Variants in NXF1 observed in about 807,000 individuals in gnomAD.
NXF1 encodes nuclear RNA export factor 1, also known as mRNA export factor TAP.
A neutral mutation model predicts 92.4 loss-of-function variants in NXF1; 43 were observed. The ratio of observed to expected loss-of-function variants is 0.47; its 90% CI spans 0.36 to 0.60. The LOEUF (loss-of-function observed/expected upper bound fraction) is 0.60, where lower values mean the gene tolerates loss of function less well. Ranked by LOEUF, NXF1 falls within the 20% of genes least tolerant of loss-of-function variation. The pLI, the probability that NXF1 is intolerant of heterozygous loss-of-function variation, is 0.00. For missense variants in NXF1, 576 were observed against 793.0 expected (o/e 0.73, Z 3.29); for synonymous variants, 288 against 292.2 (o/e 0.99, Z 0.15).
chr11:62,801,643 A>G lies in NXF1; in HGVS notation c.640-12T>C. On this transcript the variant is annotated splice_polypyrimidine_tract_variant and intron_variant, in intron 6 of 20. Transcript: ENST00000294172. ...TTGCTCATGATCAGCTAGAGGAAAA[A>G]GAAGGGTTTAGTGGTCACTGGGTTT... 6.2e-7 allele frequency: 1 copy of G among 1,613,964 alleles called. No homozygotes were observed. The highest frequency in any genetic ancestry group is 8.5e-7 in the Non-Finnish European group (1 of 1,179,908).
intron 1 of NXF1, chr11:62,804,313 T>G: frequency 2.4e-6 from 2 of 846,194 alleles, no homozygotes; most frequent in Non-Finnish European, 3.3e-6. Flanking sequence ...ACTCAGTACT[T>G]TGTCTATACA....
At chr11:62,801,849 ACT>A in intron 5 of NXF1, 30 bp from the exon 6 acceptor site, 1 of 1,607,526 alleles carries the variant, frequency 6.2e-7, no homozygotes, top group Non-Finnish European at 8.5e-7. Flanking sequence ...GGCACAGAAA[ACT>A]CTAGGGAAGC....
chr11:62,800,282 G>T, intron 10 of NXF1, 95 bp downstream of exon 10: 1 of 1,581,616 alleles, frequency 6.3e-7, no homozygotes, highest in Non-Finnish European at 8.6e-7. Context: ...GCTCAGGGCT[G>T]CACATCTCCG....
intron 10 of NXF1, 37 bp from the exon 11 acceptor site, chr11:62,798,612 A>T: frequency 6.2e-7 from 1 of 1,613,160 alleles, no homozygotes; most frequent in Non-Finnish European, 8.5e-7. Context: ...GATGCTTCAG[A>T]GCCACCGTGC....
intron 1 of NXF1, 68 bp from the exon 2 acceptor site, chr11:62,804,046 C>T (rs1201873962): frequency 6.3e-7 from 1 of 1,599,694 alleles, no homozygotes; most frequent in Non-Finnish European, 8.5e-7. Flanking sequence ...GCAATCATAG[C>T]TTCTAGTACT....
At chr11:62,803,372 G>A (rs775820343) in intron 3 of NXF1, 47 bp downstream of exon 3, 43 of 1,482,228 alleles carry the variant, frequency 2.9e-5, no homozygotes, top group South Asian at 3.6e-5. Flanking sequence ...CACTCTCAGC[G>A]TGGCCTCCTA....
rs1314086922 is a variant in NXF1 at position 62,795,984 on chromosome 11, G to A, written c.1462-41C>T. On this transcript the variant is annotated intron_variant, in intron 16 of 20. Transcript: ENST00000294172. The stretch of plus-strand genomic sequence containing the variant: ...CATCAGGTACAATGTACACTTCTCA[G>A]AGCCTGAGTGCCCCCCCTTGCCTAT... 5.3e-5 allele frequency: 85 copies of A among 1,612,960 alleles called. No homozygotes were observed. The Admixed American group carries it at 1.4e-3, about 27-fold the overall frequency.
chr11:62,792,586 C>A (rs910567609), intron 20 of NXF1, 55 bp downstream of exon 20: 81 of 1,613,666 alleles, frequency 5.0e-5, no homozygotes, highest in Admixed American at 8.3e-5. Context: ...GCTAACCTGA[C>A]CTCCTGGAGG....
Position 62,797,338 on chromosome 11 carries a change from T to G in NXF1, c.1102A>C (p.Thr368Pro). Residue 368 changes from threonine (T) to proline (P), a missense_variant, in exon 12 of 21, where the codon ACG (threonine) becomes CCG (proline). By Grantham distance (38) the Thr-to-Pro change is conservative (BLOSUM62 -1). Around this residue, in one of 2 missense-constraint regions of NXF1, gnomAD observed 425 missense variants for 635.2 expected, o/e 0.67. Coordinates refer to ENST00000294172, the MANE Select transcript of NXF1 (RefSeq NM_006362.5). ...CCTACCTTGCAGGGCGGTAACGTCG[T>G]GGGGGCTTCAACATCAAAGGCAATT... ...PPIAFDVEAP[T>P]TLPPCKGSYF... 6.2e-7 allele frequency: 1 copy of G among 1,614,062 alleles called. No homozygotes were observed. The highest frequency in any genetic ancestry group is 2.2e-5 in the East Asian group (1 of 44,882).
chr11:62,792,472 AC>A lies in NXF1; in HGVS notation c.*3del. ...GGGGGACTGCTTCTGAGGCATGACT[AC>A]GATCACTTCATGAATGCCACTTCTG... On this transcript the variant is annotated 3_prime_UTR_variant, in exon 21 of 21. Transcript: ENST00000294172. The A allele has an allele frequency of 6.2e-7, 1 of 1,614,224 alleles. No homozygotes were observed. The highest frequency in any genetic ancestry group is 1.1e-5 in the South Asian group (1 of 91,090).
chr11:62,803,306 A>G (rs1322851217), intron 3 of NXF1, 113 bp downstream of exon 3: 3 of 886,596 alleles, frequency 3.4e-6, no homozygotes, highest in Admixed American at 2.8e-5. Context: ...ACAGAGCAAG[A>G]CTCCATTTAA....
Position 62,792,198 on chromosome 11 carries a change from T to A in NXF1, c.*278A>T, listed in dbSNP as rs937113862. On this transcript the variant is annotated 3_prime_UTR_variant, in exon 21 of 21. Coordinates refer to ENST00000294172, the MANE Select transcript of NXF1 (RefSeq NM_006362.5). ...CAACATCACTCTTTATATTAAAAAG[T>A]AAGGAGGTCCTGGGGTTAAGTACAC... 1 of 641,830 alleles carries A rather than the reference T, an allele frequency of 1.6e-6. No individual in the cohort carries two copies. 39.8% of individuals were successfully genotyped at this position (641,830 alleles called of 1,614,324 possible).
chr11:62,801,503 C>G (rs1205804019), intron 7 of NXF1, 59 bp downstream of exon 7: 1 of 1,608,346 alleles, frequency 6.2e-7, no homozygotes, highest in African/African-American at 1.3e-5. Flanking sequence ...CAAACTTTCC[C>G]TCCCTGACAG....
chr11:62,792,769 A>G, intron 19 of NXF1, 68 bp from the exon 20 acceptor site: 2 of 1,496,596 alleles, frequency 1.3e-6, no homozygotes, highest in Non-Finnish European at 1.9e-6. Flanking sequence ...AGTCCACTCC[A>G]TAAAAGCACC....
chr11:62,797,085 A>G, intron 13 of NXF1, 98 bp downstream of exon 13: 2 of 1,106,648 alleles, frequency 1.8e-6, no homozygotes, highest in Non-Finnish European at 2.6e-6. Context: ...AAAAAAAAAC[A>G]AAACAAAAAA....
chr11:62,797,664 C>T (rs892550978), intron 11 of NXF1, among the ~76,000 whole-genome samples: 2 of 152,108 alleles, frequency 1.3e-5, no homozygotes, highest in African/African-American at 2.4e-5. Flanking sequence ...TACGATTGTG[C>T]CACTGCACTC....
At chr11:62,800,558 T>A (rs2084467947) in intron 9 of NXF1, 72 bp from the exon 10 acceptor site, 2 of 926,092 alleles carry the variant, frequency 2.2e-6, no homozygotes, top group Middle Eastern at 2.3e-4. Context: ...ATACCCCCAG[T>A]CCCTACGCTT....
In NXF1 at chr11:62,794,937, T is replaced by A; in HGVS notation, c.1575A>T (p.Ser525=). ...RTFIAVPASN[S]GLCIVNDELF... ...AATGCGAAAAGCAGAATACTTACCC[T>A]GAATTGCTAGCAGGAACAGCAATGA... Residue 525 remains serine, a splice_region_variant and synonymous_variant, in exon 18 of 21, where the codon TCA becomes TCT. Transcript: ENST00000294172. 1 of 1,614,114 alleles carries A rather than the reference T, an allele frequency of 6.2e-7. No homozygotes were observed. The highest frequency in any genetic ancestry group is 8.5e-7 in the Non-Finnish European group (1 of 1,179,936).
Position 62,792,779 on chromosome 11 carries a change from C to T in NXF1, c.1761-78G>A, listed in dbSNP as rs1815870. On this transcript the variant is annotated intron_variant, in intron 19 of 20. Coordinates refer to ENST00000294172, the MANE Select transcript of NXF1 (RefSeq NM_006362.5). ...CTGAAAGTCCACTCCATAAAAGCAC[C>T]CAAGTTTGCCAACAAATATGTACAT... The T allele has an allele frequency of 6.9e-6, 9 of 1,311,914 alleles. No homozygotes were observed. The South Asian group carries it at 1.1e-4, about 16-fold the overall frequency. The allele number at this position is 1,311,914 out of a possible 1,614,324, so 81.3% of individuals were successfully genotyped here.
Sources: gnomAD v4.1 joint callset for allele counts (sites outside exome capture counted in the v4.1 genomes callset) on GRCh38, gnomAD v4.1.1 for gene constraint, gnomAD v4.1.1 regional missense constraint, MANE v1.5 for transcripts, NCBI Gene and HGNC (gene_info 2026-07-23, HGNC 2026-07-21) for gene names.